The following TXNL1 variants were observed in gnomAD, a reference collection of about 807,000 sequenced individuals.
The protein encoded by TXNL1 is thioredoxin-like protein 1.
Under a neutral mutation model 35.5 loss-of-function variants are expected in TXNL1, and 14 were observed. The observed-to-expected ratio is 0.39, with a 90% CI of 0.26 to 0.62. The LOEUF is 0.62. Ranked by LOEUF, TXNL1 falls within the 20% of genes least tolerant of loss-of-function variation. TXNL1 has a pLI of 0.47. For synonymous variants in TXNL1, 110 were observed against 115.5 expected (o/e 0.95, Z 0.31); for missense variants, 263 against 349.7 (o/e 0.75, Z 1.98).
At chr18:56,630,467 CT>C (rs2024353644) in intron 1 of TXNL1, among the ~76,000 whole-genome samples, 1 of 152,156 alleles carries the variant, frequency 6.6e-6, no homozygotes, top group Non-Finnish European at 1.5e-5. Context: ...TCTTATTTAA[CT>C]TCATTAACTT....
chr18:56,623,720 T>A (rs892382008), intron 3 of TXNL1, among the ~76,000 whole-genome samples: 1 of 152,132 alleles, frequency 6.6e-6, no homozygotes, highest in Admixed American at 6.5e-5. Context: ...TGTTGTTATT[T>A]GAAATAACTT....
intron 1 of TXNL1, among the ~76,000 whole-genome samples, chr18:56,632,696 T>G (rs1228979743): frequency 6.6e-6 from 1 of 152,230 alleles, no homozygotes; most frequent in Non-Finnish European, 1.5e-5. Flanking sequence ...AAAACTGATC[T>G]ATAGTGTTAG....
chr18:56,634,276 AT>A (rs2144340302), intron 1 of TXNL1, among the ~76,000 whole-genome samples: 1 of 152,320 alleles, frequency 6.6e-6, no homozygotes, highest in South Asian at 2.1e-4. Context: ...ATACACAGAG[AT>A]GAACGTGCAT....
In TXNL1 at chr18:56,616,398, G is replaced by C. The variant is rs539218953; in HGVS notation, c.493-84C>G. 3.4e-5 allele frequency: 42 copies of C among 1,248,054 alleles called. No homozygotes were observed. The South Asian group carries it at 5.6e-4, about 17-fold the overall frequency. The allele number at this position is 1,248,054 out of a possible 1,614,324, so 77.3% of individuals were successfully genotyped here. On this transcript the variant is annotated intron_variant, in intron 4 of 7. Transcript: ENST00000217515. ...TACTGAAGCAGAATGAAAATAACAG[G>C]CAAGAAAAAAAAAACCAACCTAATT...
chr18:56,626,978 A>AC, intron 1 of TXNL1, among the ~76,000 whole-genome samples: 1 of 144,526 alleles, frequency 6.9e-6, no homozygotes, highest in Non-Finnish European at 1.5e-5. Context: ...CTACCAAGCT[A>AC]CATTTTTTTT....
chr18:56,611,895 C>T (rs2023999303), intron 6 of TXNL1, among the ~76,000 whole-genome samples: 1 of 147,954 alleles, frequency 6.8e-6, no homozygotes, highest in Non-Finnish European at 1.5e-5. Context: ...GTTGCCCAGG[C>T]TGGGGTGCAG....
intron 7 of TXNL1, chr18:56,608,730 T>G (rs1020221106): frequency 1.3e-5 from 2 of 152,224 alleles, no homozygotes; most frequent in Admixed American, 6.5e-5. Flanking sequence ...GAAAGGACAC[T>G]ATAAGGCTCG....
At chr18:56,604,249 AG>A (rs5825191) in intron 7 of TXNL1, among the ~76,000 whole-genome samples, 10,074 of 152,294 alleles carry the variant, frequency 0.066, 518 homozygotes, top group East Asian at 0.23. Context: ...AGCCACTAGA[AG>A]GGGAACTGGC....
rs754884425 is a variant in TXNL1 at position 56,638,478 on chromosome 18, T to G, written c.-38A>C. 1.3e-6 allele frequency: 2 copies of G among 1,591,144 alleles called. No homozygotes were observed. The highest frequency in any genetic ancestry group is 2.2e-5 in the South Asian group (2 of 88,942). Reference sequence around the variant, plus strand: ...CCCGGCAGGGTGGCCGCGACGCCACTGGCTTTGAAACTGAAGGAGAAGACG... The same window carrying G: ...CCCGGCAGGGTGGCCGCGACGCCACGGGCTTTGAAACTGAAGGAGAAGACG... On this transcript the variant is annotated 5_prime_UTR_variant, in exon 1 of 8. Coordinates refer to ENST00000217515, the MANE Select transcript of TXNL1 (RefSeq NM_004786.3).
chr18:56,635,322 G>A (rs1489715777), intron 1 of TXNL1, among the ~76,000 whole-genome samples: 1 of 152,090 alleles, frequency 6.6e-6, no homozygotes, highest in Admixed American at 6.6e-5. Flanking sequence ...ATGTCCCCTA[G>A]CAGCATTATC....
chr18:56,635,932 AGTT>A (rs1463908458), intron 1 of TXNL1, among the ~76,000 whole-genome samples: 2 of 152,196 alleles, frequency 1.3e-5, no homozygotes, highest in African/African-American at 4.8e-5. Flanking sequence ...CTATGTAAAT[AGTT>A]GTTATACTGT....
chr18:56,626,470 GA>G lies in TXNL1; in HGVS notation c.99-14del. 1.3e-6 allele frequency: 2 copies of G among 1,590,460 alleles called. No homozygotes were observed. The highest frequency in any genetic ancestry group is 1.7e-6 in the Non-Finnish European group (2 of 1,169,472). ...ACATGGCCCACACCTGTTAGAAAAG[GA>G]AAATTAAGTAAAATAACACTAAAGA... On this transcript the variant is annotated splice_polypyrimidine_tract_variant and intron_variant, in intron 1 of 7. Coordinates refer to ENST00000217515, the MANE Select transcript of TXNL1 (RefSeq NM_004786.3).
intron 1 of TXNL1, among the ~76,000 whole-genome samples, chr18:56,635,713 G>A (rs1481921849): frequency 1.3e-5 from 2 of 152,124 alleles, no homozygotes. Context: ...TAAAGTTATA[G>A]GAAACAGTGG....
intron 1 of TXNL1, 117 bp from the exon 2 acceptor site, chr18:56,626,574 TTTTTG>T (rs917518317): frequency 1.7e-5 from 17 of 971,478 alleles, no homozygotes; most frequent in South Asian, 7.5e-5. Flanking sequence ...CTCTCTGTTT[TTTTTG>T]TTTTGTTTTG....
At chr18:56,629,802 C>G (rs183764460) in intron 1 of TXNL1, among the ~76,000 whole-genome samples, 38 of 152,254 alleles carry the variant, frequency 2.5e-4, no homozygotes, top group Non-Finnish European at 4.6e-4. Flanking sequence ...AACCACCCTC[C>G]TGCAAAAACA....
rs2024120879 is a variant in TXNL1, at chr18:56,618,114, G to C, written c.382C>G (p.Pro128Ala). The C allele has an allele frequency of 1.2e-6, 2 of 1,612,290 alleles. No homozygotes were observed. Among genetic ancestry groups the C allele is most frequent in the Non-Finnish European group, 1.7e-6 (2 of 1,178,956 alleles). ...TCACAACCAGCTTTGTTAATAAAAG[G>C]CATTAAATCCATCTGAAAAAAAATT... The part of the protein sequence containing the change: ...DIPKGYMDLM[P>A]FINKAGCECL... Residue 128 changes from proline to alanine, a missense_variant, in exon 4 of 8, where the codon CCT (proline) becomes GCT (alanine). Pro to Ala is a conservative substitution (Grantham distance 27). Transcript: ENST00000217515.
chr18:56,625,262 A>C (rs889723771), intron 2 of TXNL1, among the ~76,000 whole-genome samples: 2 of 152,148 alleles, frequency 1.3e-5, no homozygotes, highest in African/African-American at 2.4e-5. Context: ...AAAACAATGG[A>C]TATGTAGCAC....
chr18:56,630,203 GA>G (rs577790535), intron 1 of TXNL1, among the ~76,000 whole-genome samples: 3,237 of 83,544 alleles, frequency 0.039, 59 homozygotes, highest in East Asian at 0.14. Flanking sequence ...ACTTGGAAAA[GA>G]AAAAAAAAAA....
chr18:56,634,785 C>T (rs11872980), intron 1 of TXNL1, among the ~76,000 whole-genome samples: 13,355 of 152,162 alleles, frequency 0.088, 1,379 homozygotes, highest in African/African-American at 0.25. Context: ...ACCAAAAGCA[C>T]AGGCAACAAA....
Sources: gnomAD v4.1 joint callset for allele counts (sites outside exome capture counted in the v4.1 genomes callset) on GRCh38, gnomAD v4.1.1 for gene constraint, MANE v1.5 for transcripts, NCBI Gene and HGNC (gene_info 2026-07-23, HGNC 2026-07-21) for gene names.